The following ITGA1 variants were observed in gnomAD, a reference collection of about 807,000 sequenced individuals.
The protein encoded by ITGA1 is integrin alpha-1.
In ITGA1, 85 loss-of-function variants were observed where a neutral mutation model predicts 145.9. That is an observed-to-expected ratio of 0.58 (90% CI 0.49 to 0.70). The LOEUF is 0.70. Among genes scored for constraint, ITGA1 ranks in the 30% least tolerant of loss-of-function variants. The pLI is 0.00. For missense variants in ITGA1, 1,351 were observed against 1,418.7 expected, an observed-to-expected ratio of 0.95 and a Z score of 0.77; for synonymous variants, 520 against 495.3, an observed-to-expected ratio of 1.05 and a Z score of -0.66.
chr5:52,917,641 T>TA (rs1257853964), intron 15 of ITGA1, among the ~76,000 whole-genome samples: 1 of 152,024 alleles, frequency 6.6e-6, no homozygotes, highest in East Asian at 1.9e-4. Context: ...CATTGTAATA[T>TA]AATGTTTTAA....
intron 2 of ITGA1, among the ~76,000 whole-genome samples, chr5:52,856,219 C>T (rs920561578): frequency 6.6e-5 from 10 of 152,112 alleles, no homozygotes; most frequent in Non-Finnish European, 1.5e-4. Context: ...ATTATCTTCC[C>T]TTTTCCATCT....
chr5:52,937,107 A>C (rs1036465219), intron 23 of ITGA1, among the ~76,000 whole-genome samples: 1 of 152,108 alleles, frequency 6.6e-6, no homozygotes, highest in African/African-American at 2.4e-5. Flanking sequence ...ATAATAACAG[A>C]CAAAAACTTC....
intron 20 of ITGA1, among the ~76,000 whole-genome samples, chr5:52,929,321 C>T (rs974367216): frequency 6.6e-6 from 1 of 152,190 alleles, no homozygotes; most frequent in Non-Finnish European, 1.5e-5. Flanking sequence ...ATCTCATCAC[C>T]TGCCCAAAGG....
chr5:52,924,426 T>C (rs1270447446), intron 18 of ITGA1, among the ~76,000 whole-genome samples: 1 of 152,014 alleles, frequency 6.6e-6, no homozygotes, highest in Non-Finnish European at 1.5e-5. Flanking sequence ...GTCCTGAGCA[T>C]GAAGGAAACA....
intron 1 of ITGA1, among the ~76,000 whole-genome samples, chr5:52,845,305 G>T (rs1483511635): frequency 2.0e-5 from 3 of 152,162 alleles, no homozygotes; most frequent in African/African-American, 7.2e-5. Context: ...CTACAGCATA[G>T]TGAGTATTTT....
intron 20 of ITGA1, among the ~76,000 whole-genome samples, chr5:52,928,565 G>A (rs190454590): frequency 6.6e-6 from 1 of 152,170 alleles, no homozygotes; most frequent in Non-Finnish European, 1.5e-5. Context: ...AAGAAGCCAC[G>A]TATGCATTGG....
intron 6 of ITGA1, among the ~76,000 whole-genome samples, chr5:52,880,059 C>T (rs1454288727): frequency 2.0e-5 from 3 of 152,124 alleles, no homozygotes; most frequent in Non-Finnish European, 4.4e-5. Context: ...CATTGAGTAG[C>T]CATGAAGTGG....
At chr5:52,906,286 A>G (rs889073077) in intron 12 of ITGA1, among the ~76,000 whole-genome samples, 3 of 152,214 alleles carry the variant, frequency 2.0e-5, no homozygotes, top group African/African-American at 7.2e-5. Context: ...TGAATCTACA[A>G]GGGATGATAG....
intron 1 of ITGA1, among the ~76,000 whole-genome samples, chr5:52,810,762 A>C (rs973125041): frequency 3.4e-4 from 9 of 26,600 alleles, no homozygotes; most frequent in Non-Finnish European, 7.4e-4. Flanking sequence ...AACTTAATAG[A>C]GCTTAATAAG....
At chr5:52,805,346 G>T (rs1183907281) in intron 1 of ITGA1, among the ~76,000 whole-genome samples, 1 of 152,088 alleles carries the variant, frequency 6.6e-6, no homozygotes, top group Non-Finnish European at 1.5e-5. Context: ...GAGGAGGCAA[G>T]ACTGGAGGCA....
At chr5:52,854,326 G>A (rs1749474213) in intron 2 of ITGA1, among the ~76,000 whole-genome samples, 1 of 152,118 alleles carries the variant, frequency 6.6e-6, no homozygotes, top group African/African-American at 2.4e-5. Context: ...CATTTTAAGG[G>A]TTTACACAAT....
chr5:52,797,234 A>T (rs1170404864), intron 1 of ITGA1, among the ~76,000 whole-genome samples: 1 of 152,074 alleles, frequency 6.6e-6, no homozygotes, highest in Non-Finnish European at 1.5e-5. Flanking sequence ...CAGTAATTCT[A>T]TGAAAGATTT....
At chr5:52,888,058 G>T in intron 8 of ITGA1, 93 bp downstream of exon 8, 1 of 1,329,470 alleles carries the variant, frequency 7.5e-7, no homozygotes, top group Non-Finnish European at 1.0e-6. Context: ...CACAAACCAG[G>T]TTGGAAAAGA....
At position 52,800,703 on chromosome 5, in the gene ITGA1, G is replaced by C. The variant is rs1414219660; in HGVS notation, c.61+12289G>C. The C allele has an allele frequency of 1.9e-6, 3 of 1,614,204 alleles. No homozygotes were observed. The Admixed American group carries it at 5.0e-5, about 27-fold the overall frequency. On this transcript the variant is annotated intron_variant, in intron 1 of 28. Coordinates refer to ENST00000282588, the MANE Select transcript of ITGA1 (RefSeq NM_181501.2). ...AGATGGGGGCTTACCACACCATCGA[G>C]CTGGAGCCCAACCGCCAGTTCACCC...
At chr5:52,949,447 T>C (rs1398482206) in intron 28 of ITGA1, among the ~76,000 whole-genome samples, 1 of 152,176 alleles carries the variant, frequency 6.6e-6, no homozygotes, top group Non-Finnish European at 1.5e-5. Flanking sequence ...CTTGCAACAA[T>C]CTTTTCGACC....
At chr5:52,842,973 T>G (rs986219068) in intron 1 of ITGA1, among the ~76,000 whole-genome samples, 3 of 152,202 alleles carry the variant, frequency 2.0e-5, no homozygotes, top group African/African-American at 4.8e-5. Context: ...ATTTCAAGTG[T>G]GAGCCACCGT....
intron 28 of ITGA1, among the ~76,000 whole-genome samples, chr5:52,949,183 G>GA (rs1237143468): frequency 1.3e-5 from 2 of 152,196 alleles, no homozygotes; most frequent in Non-Finnish European, 2.9e-5. Flanking sequence ...TAGAAGGGAA[G>GA]AAACTAGCTC....
chr5:52,884,108 A>G (rs1169037300), intron 7 of ITGA1, among the ~76,000 whole-genome samples: 1 of 152,196 alleles, frequency 6.6e-6, no homozygotes, highest in Non-Finnish European at 1.5e-5. Context: ...TTAAAGACTA[A>G]CATGTAACGT....
intron 14 of ITGA1, among the ~76,000 whole-genome samples, chr5:52,913,364 A>C (rs895964894): frequency 6.6e-6 from 1 of 152,208 alleles, no homozygotes; most frequent in Non-Finnish European, 1.5e-5. Context: ...TATTTTCGTC[A>C]AGTGAATTAC....
Sources: gnomAD v4.1 joint callset for allele counts (sites outside exome capture counted in the v4.1 genomes callset) on GRCh38, gnomAD v4.1.1 for gene constraint, MANE v1.5 for transcripts, NCBI Gene and HGNC (gene_info 2026-07-23, HGNC 2026-07-21) for gene names.